FIBP: variants seen among roughly 807,000 people sequenced by gnomAD.
FIBP encodes the protein acidic fibroblast growth factor intracellular-binding protein.
A neutral mutation model predicts 40.5 loss-of-function variants in FIBP; 29 were observed. That is an observed-to-expected ratio of 0.72 (90% CI 0.53 to 0.98). FIBP has a LOEUF of 0.98. Ranked by LOEUF, FIBP falls within the 50% of genes least tolerant of loss-of-function variation. The pLI is 0.00. For synonymous variants in FIBP, 215 were observed against 191.1 expected, an observed-to-expected ratio of 1.13 and a Z score of -1.03; for missense variants, 411 against 470.2, an observed-to-expected ratio of 0.87 and a Z score of 1.16.
At chr11:65,887,577 G>A (rs1860270654) in intron 3 of FIBP, 23 bp downstream of exon 3, 5 of 1,613,260 alleles carry the variant, frequency 3.1e-6, no homozygotes, top group Non-Finnish European at 4.2e-6. Flanking sequence ...GGGATGCTGT[G>A]TCCGTGTGGA....
Sources: gnomAD v4.1 joint callset for allele counts on GRCh38, gnomAD v4.1.1 for gene constraint, MANE v1.5 for transcripts, NCBI Gene and HGNC (gene_info 2026-07-23, HGNC 2026-07-21) for gene names.